Variants in RFX4 observed in about 807,000 individuals in gnomAD.
RFX4 encodes the protein transcription factor RFX4.
In RFX4, 10 loss-of-function variants were observed where a neutral mutation model predicts 95.0. The ratio of observed to expected loss-of-function variants is 0.11; its 90% CI spans 0.06 to 0.18. RFX4 has a LOEUF of 0.18. RFX4 is among the 10% of genes least tolerant of loss of function. The probability of loss-of-function intolerance (pLI) is 1.00; values close to 1 mark genes in which losing one functional copy is unlikely to be tolerated. For missense variants in RFX4, 640 were observed against 922.0 expected, an observed-to-expected ratio of 0.69 and a Z score of 3.96; for synonymous variants, 321 against 340.7, an observed-to-expected ratio of 0.94 and a Z score of 0.64.
chr12:106,615,521 C>T (rs2040055571), intron 2 of RFX4, among the ~76,000 whole-genome samples: 1 of 152,090 alleles, frequency 6.6e-6, no homozygotes. Context: ...ATGCAAAATA[C>T]CTGCTAGGAT....
rs141672648 is a variant in RFX4, at chr12:106,694,429, G to A, written c.670-1854G>A. Among the ~76,000 whole-genome samples, 163 of 152,298 alleles carry A rather than the reference G, an allele frequency of 1.1e-3. 2 individuals are homozygous for A. The highest frequency in any genetic ancestry group is 6.0e-3 in the East Asian group (31 of 5,174). On this transcript the variant is annotated intron_variant, in intron 7 of 17. Coordinates refer to ENST00000392842, the MANE Select transcript of RFX4 (RefSeq NM_213594.3). ...GAGCAAAATTAGGCCCTACTCCTTG[G>A]AGGGGCCTGAAGGATGCTGCAGGTT...
intron 16 of RFX4, 21 bp downstream of exon 16, chr12:106,747,620 G>C: frequency 6.2e-7 from 1 of 1,608,354 alleles, no homozygotes; most frequent in East Asian, 2.2e-5. Context: ...TTCCAGGGAT[G>C]CTGCTGGACT....
At position 106,732,969 on chromosome 12, in the gene RFX4, C is replaced by G. The variant is rs149211250; in HGVS notation, c.1517C>G (p.Thr506Ser). 6.2e-7 allele frequency: 1 copy of G among 1,614,180 alleles called. No individual in the cohort carries two copies. The highest frequency in any genetic ancestry group is 8.5e-7 in the Non-Finnish European group (1 of 1,180,028). Residue 506 changes from threonine to serine, a missense_variant, in exon 15 of 18, where the codon ACC becomes AGC. Physicochemically the swap from Thr to Ser is moderately conservative, Grantham distance 58. This residue lies in a region of RFX4 where 300 missense variants were observed against 346.8 expected (regional missense o/e 0.87). Coordinates refer to ENST00000392842, the MANE Select transcript of RFX4 (RefSeq NM_213594.3). ...EIILTEAAAP[T>S]PSPVPSFSPA... is the part of the protein sequence containing the mutation. ...ATCTTGACAGAGGCTGCCGCACCAACCCCTTCACCAGTGCCATCGTTTTCT... is the reference window on the plus strand; with the variant it reads ...ATCTTGACAGAGGCTGCCGCACCAAGCCCTTCACCAGTGCCATCGTTTTCT...
rs114786321 is a variant in RFX4 at position 106,674,300 on chromosome 12, T to C, written c.316-7693T>C. 8.3e-3 allele frequency among the ~76,000 whole-genome samples: 1,265 copies of C among 152,006 alleles called. 25 individuals carry two copies. The highest frequency in any genetic ancestry group is 0.029 in the African/African-American group (1,208 of 41,496). ...CATCATCACAGAGTCCTAATCACCC[T>C]AAACAAAATAACATCCCCACCTCCA... On this transcript the variant is annotated intron_variant, in intron 4 of 17. Transcript: ENST00000392842.
At chr12:106,683,497 C>CAAAAAAAAAAAAAAAAAAAAAAAAAAAA (rs2041574114) in intron 5 of RFX4, 1 of 41,236 alleles carries the variant, frequency 2.4e-5, no homozygotes, top group Non-Finnish European at 4.7e-5. Flanking sequence ...AAAAAAAAAA[C>CAAAAAAAAAAAAAAAAAAAAAAAAAAAA]AAACCTCAGT....
At chr12:106,610,850 T>C (rs1477088680) in intron 2 of RFX4, among the ~76,000 whole-genome samples, 1 of 152,210 alleles carries the variant, frequency 6.6e-6, no homozygotes, top group Non-Finnish European at 1.5e-5. Flanking sequence ...AATTGTTGGA[T>C]CATATGGTAA....
intron 1 of RFX4, among the ~76,000 whole-genome samples, chr12:106,595,786 A>G (rs2039609126): frequency 6.6e-6 from 1 of 152,206 alleles, no homozygotes. Flanking sequence ...AGAATCATTA[A>G]CAGTGCGGGC....
chr12:106,646,775 AGAG>A (rs1286383900), intron 3 of RFX4, among the ~76,000 whole-genome samples: 1 of 152,144 alleles, frequency 6.6e-6, no homozygotes, highest in Non-Finnish European at 1.5e-5. Context: ...CTGTATTTAA[AGAG>A]GAGGAAACCA....
intron 15 of RFX4, among the ~76,000 whole-genome samples, chr12:106,743,487 T>C (rs1176936651): frequency 6.6e-6 from 1 of 152,208 alleles, no homozygotes; most frequent in Non-Finnish European, 1.5e-5. Context: ...TGCTGGCACA[T>C]GTCCATTTAG....
intron 2 of RFX4, among the ~76,000 whole-genome samples, chr12:106,613,656 G>A (rs887536347): frequency 1.3e-5 from 2 of 152,044 alleles, no homozygotes; most frequent in East Asian, 1.9e-4. Context: ...GAGCCACCAC[G>A]CCTGGCCTGC....
intron 3 of RFX4, among the ~76,000 whole-genome samples, chr12:106,650,506 G>A (rs1201899504): frequency 6.6e-6 from 1 of 152,196 alleles, no homozygotes; most frequent in Non-Finnish European, 1.5e-5. Flanking sequence ...GCTGAGGTGG[G>A]AGGATCACTT....
At chr12:106,657,268 T>C (rs2040978710) in intron 4 of RFX4, among the ~76,000 whole-genome samples, 1 of 152,244 alleles carries the variant, frequency 6.6e-6, no homozygotes, top group South Asian at 2.1e-4. Context: ...AGGTTTAATA[T>C]TTCAGCTTAG....
intron 11 of RFX4, among the ~76,000 whole-genome samples, chr12:106,716,383 C>T (rs532203116): frequency 6.1e-4 from 93 of 152,142 alleles, no homozygotes; most frequent in Non-Finnish European, 1.1e-3. Context: ...GGCTGTCCCA[C>T]CAAGAAGAGG....
intron 10 of RFX4, 74 bp downstream of exon 10, chr12:106,711,585 C>A (rs908531633): frequency 2.1e-5 from 26 of 1,254,832 alleles, no homozygotes; most frequent in Middle Eastern, 1.9e-4. Context: ...ACAAAAACAA[C>A]CTCCTGCAGG....
At chr12:106,689,181 C>T in intron 6 of RFX4, 106 bp from the exon 7 acceptor site, 2 of 934,486 alleles carry the variant, frequency 2.1e-6, no homozygotes, top group South Asian at 2.7e-5. Context: ...AGGTGAATTG[C>T]ATCCCCCCCA....
chr12:106,718,675 T>C (rs538237666), intron 11 of RFX4, among the ~76,000 whole-genome samples: 2 of 152,214 alleles, frequency 1.3e-5, no homozygotes, highest in South Asian at 2.1e-4. Flanking sequence ...CAAATGAAAA[T>C]GAAAGAAACG....
chr12:106,684,190 A>T (rs758298298), intron 5 of RFX4, among the ~76,000 whole-genome samples: 2 of 152,158 alleles, frequency 1.3e-5, no homozygotes, highest in Non-Finnish European at 2.9e-5. Context: ...AACATGGTGA[A>T]ACCCCATCTC....
At chr12:106,599,068 C>T (rs1422746284) in intron 1 of RFX4, among the ~76,000 whole-genome samples, 1 of 152,052 alleles carries the variant, frequency 6.6e-6, no homozygotes, top group Non-Finnish European at 1.5e-5. Context: ...GCACTGAACA[C>T]CTTAGGTTGA....
At chr12:106,701,967 G>C (rs2041999977) in intron 8 of RFX4, among the ~76,000 whole-genome samples, 1 of 152,112 alleles carries the variant, frequency 6.6e-6, no homozygotes, top group Non-Finnish European at 1.5e-5. Flanking sequence ...AATGAATCAT[G>C]ATCCAGGCCG....
Sources: gnomAD v4.1 joint callset for allele counts (sites outside exome capture counted in the v4.1 genomes callset) on GRCh38, gnomAD v4.1.1 for gene constraint, gnomAD v4.1.1 regional missense constraint, MANE v1.5 for transcripts, NCBI Gene and HGNC (gene_info 2026-07-23, HGNC 2026-07-21) for gene names.